The following USO1 variants were observed in gnomAD, a reference collection of about 807,000 sequenced individuals.
USO1 encodes the protein general vesicular transport factor p115.
A neutral mutation model predicts 124.5 loss-of-function variants in USO1; 57 were observed. That is an observed-to-expected ratio of 0.46 (90% CI 0.37 to 0.57). USO1 has a LOEUF of 0.57. Among genes scored for constraint, USO1 ranks in the 20% least tolerant of loss-of-function variants. The pLI is 0.00. For missense variants in USO1, 900 were observed against 1,040.6 expected (o/e 0.86, Z 1.86); for synonymous variants, 369 against 362.8 (o/e 1.02, Z -0.19).
chr4:75,761,897 T>A (rs773933490), intron 4 of USO1, among the ~76,000 whole-genome samples: 4 of 152,192 alleles, frequency 2.6e-5, no homozygotes, highest in Non-Finnish European at 4.4e-5. Flanking sequence ...CATTTGAATC[T>A]CTTGTTTGAC....
chr4:75,793,336 G>A (rs953529876), intron 12 of USO1, among the ~76,000 whole-genome samples: 6 of 149,820 alleles, frequency 4.0e-5, no homozygotes, highest in East Asian at 2.0e-4. Context: ...TTAGCCTCCC[G>A]AGTAGCTGGG....
intron 1 of USO1, among the ~76,000 whole-genome samples, chr4:75,733,524 G>A (rs1720699391): frequency 6.6e-6 from 1 of 152,130 alleles, no homozygotes. Context: ...TCTGACTGGT[G>A]GGAGATGGTA....
intron 8 of USO1, 127 bp downstream of exon 8, chr4:75,774,923 G>C: frequency 7.5e-7 from 1 of 1,326,244 alleles, no homozygotes; most frequent in Non-Finnish European, 9.9e-7. Flanking sequence ...TTTCACTATG[G>C]CATGTTGACT....
In USO1 at chr4:75,742,644, C is replaced by G. The variant is rs551876340; in HGVS notation, c.67-9729C>G. Among the ~76,000 whole-genome samples the G allele has an allele frequency of 2.0e-5, 3 of 152,332 alleles. No individual in the cohort carries two copies. In the South Asian group the frequency reaches 6.2e-4, roughly 32 times the overall value. On this transcript the variant is annotated intron_variant, in intron 1 of 23. Transcript: ENST00000514213. ...TGGTAGTATGCTGAGATAAGAAATA[C>G]TTTGTTAAAAGGCCTAGGGGCAAAC...
At chr4:75,729,220 A>C (rs1366088739) in intron 1 of USO1, among the ~76,000 whole-genome samples, 5 of 151,964 alleles carry the variant, frequency 3.3e-5, no homozygotes, top group Admixed American at 2.0e-4. Context: ...AATCCTACTC[A>C]TGCTTTTGTT....
At chr4:75,802,736 C>CTTTTTTTTTTTTTTTTTTTTTTTTTTT (rs997798305) in intron 17 of USO1, among the ~76,000 whole-genome samples, 1 of 63,738 alleles carries the variant, frequency 1.6e-5, no homozygotes, top group Non-Finnish European at 2.7e-5. Context: ...TTTTTCTTTT[C>CTTTTTTTTTTTTTTTTTTTTTTTTTTT]TTTTTTTTTT....
chr4:75,756,668 G>A (rs564086759), intron 3 of USO1, among the ~76,000 whole-genome samples: 6 of 151,652 alleles, frequency 4.0e-5, no homozygotes, highest in South Asian at 2.1e-4. Flanking sequence ...CACCACGCCC[G>A]GCTAATTTTG....
At chr4:75,796,146 G>A (rs1419581184) in intron 13 of USO1, among the ~76,000 whole-genome samples, 1 of 151,906 alleles carries the variant, frequency 6.6e-6, no homozygotes, top group African/African-American at 2.4e-5. Context: ...TTTTATATTA[G>A]GGAAAGTATT....
chr4:75,763,184 A>C (rs575587864), intron 4 of USO1, among the ~76,000 whole-genome samples: 7 of 152,352 alleles, frequency 4.6e-5, no homozygotes, highest in African/African-American at 1.7e-4. Flanking sequence ...TGAAGAGTAA[A>C]TATATCTATG....
chr4:75,742,985 C>CTTT (rs201882306), intron 1 of USO1, among the ~76,000 whole-genome samples: 3 of 139,752 alleles, frequency 2.1e-5, no homozygotes, highest in Admixed American at 1.4e-4. Context: ...ATAAGCATAT[C>CTTT]TTTTTTTTTT....
At position 75,782,747 on chromosome 4, in the gene USO1, T is replaced by C. The variant is rs1722255854; in HGVS notation, c.744T>C (p.Asn248=). The C allele has an allele frequency of 1.3e-6, 2 of 1,584,366 alleles. No homozygotes were observed. Among genetic ancestry groups the C allele is most frequent in the Non-Finnish European group, 1.7e-6 (2 of 1,166,478 alleles). The change falls in exon 9 of 24, where the codon AAT becomes AAC. Residue 248 remains asparagine, a synonymous_variant. Transcript: ENST00000514213. The part of the protein sequence containing the change: ...NLLKNNNSNQ[N]FFKEGSYIQR... Reference sequence around the variant, plus strand: ...TAAAAAACAACAACTCCAATCAAAATTTTTTTAAAGAAGGCTCATATATTC... The same window carrying C: ...TAAAAAACAACAACTCCAATCAAAACTTTTTTAAAGAAGGCTCATATATTC...
Position 75,804,100 on chromosome 4 carries a change from C to T in USO1, c.1987-34C>T, listed in dbSNP as rs373560555. 383 of 1,605,896 alleles carry T rather than the reference C, an allele frequency of 2.4e-4. 1 individual carries two copies. The African/African-American group carries it at 4.9e-3, about 20-fold the overall frequency. ...ACCTTCTTAATGCTAACGAGTATGA[C>T]TTTAAAACACATGAATTATGTTTTG... On this transcript the variant is annotated intron_variant, in intron 17 of 23. Coordinates refer to ENST00000514213, the MANE Select transcript of USO1 (RefSeq NM_003715.4).
intron 21 of USO1, 123 bp from the exon 22 acceptor site, chr4:75,810,309 G>C: frequency 9.0e-7 from 1 of 1,106,264 alleles, no homozygotes; most frequent in African/African-American, 1.6e-5. Flanking sequence ...AATACATAAG[G>C]AATTATATTT....
intron 3 of USO1, among the ~76,000 whole-genome samples, chr4:75,752,985 A>G (rs1483876269): frequency 6.6e-6 from 1 of 152,222 alleles, no homozygotes; most frequent in African/African-American, 2.4e-5. Context: ...TTGAGTTTGA[A>G]TTGGGCAAGT....
intron 20 of USO1, among the ~76,000 whole-genome samples, chr4:75,807,874 A>C (rs1291203080): frequency 6.6e-6 from 1 of 152,026 alleles, no homozygotes; most frequent in African/African-American, 2.4e-5. Flanking sequence ...ACTTTTATAA[A>C]CTTTAGATTG....
At chr4:75,792,022 C>CTTT (rs35321728) in intron 12 of USO1, among the ~76,000 whole-genome samples, 2 of 136,616 alleles carry the variant, frequency 1.5e-5, no homozygotes, top group African/African-American at 2.7e-5. Context: ...TGAAATGCTT[C>CTTT]TTTTTTTTTT....
chr4:75,810,509 A>G lies in USO1; in HGVS notation c.2553A>G (p.Ser851=). The G allele has an allele frequency of 6.2e-7, 1 of 1,613,002 alleles. No homozygotes were observed. The highest frequency in any genetic ancestry group is 1.1e-5 in the South Asian group (1 of 90,694). Residue 851 remains serine (S), a synonymous_variant, in exon 22 of 24, where the codon TCA becomes TCG. Coordinates refer to ENST00000514213, the MANE Select transcript of USO1 (RefSeq NM_003715.4). The part of the protein sequence containing the change: ...TKTTDVEGRL[S]ALLQETKELK... ...CTACTGATGTAGAAGGAAGACTGTCAGCATTATTACAAGAGACCAAAGAGT... is the reference window on the plus strand; with the variant it reads ...CTACTGATGTAGAAGGAAGACTGTCGGCATTATTACAAGAGACCAAAGAGT...
chr4:75,791,640 T>G (rs1722536404), intron 12 of USO1, among the ~76,000 whole-genome samples: 1 of 152,240 alleles, frequency 6.6e-6, no homozygotes, highest in South Asian at 2.1e-4. Flanking sequence ...CTTTAAATAT[T>G]TCATCTTACC....
rs192627747 is a variant in USO1, at chr4:75,798,259, C to T, written c.1453-1363C>T. Among the ~76,000 whole-genome samples the T allele has an allele frequency of 1.3e-3, 196 of 152,102 alleles. 1 individual carries two copies. Among genetic ancestry groups the T allele is most frequent in the African/African-American group, 4.6e-3 (191 of 41,484 alleles). ...TGTTTTTTTTTACTCATACATCAGC[C>T]AGTGATTTGATAGGATGTTCTTATA... On this transcript the variant is annotated intron_variant, in intron 13 of 23. Transcript: ENST00000514213.
Sources: allele counts gnomAD v4.1 joint callset (sites outside exome capture counted in the v4.1 genomes callset), GRCh38; gene constraint gnomAD v4.1.1; transcripts MANE v1.5; gene names NCBI Gene and HGNC (gene_info 2026-07-23, HGNC 2026-07-21).